The following OASL variants were observed in gnomAD, a reference collection of about 807,000 sequenced individuals.
OASL encodes 2'-5'-oligoadenylate synthase-like protein.
OASL carries 28 observed loss-of-function variants against 35.3 expected under a neutral mutation model. That is an observed-to-expected ratio of 0.79 (90% CI 0.59 to 1.09). OASL has a LOEUF of 1.09. Ranked by LOEUF, OASL falls within the 50% of genes least tolerant of loss-of-function variation. OASL has a pLI of 0.00. For missense variants in OASL, 620 were observed against 635.2 expected, an observed-to-expected ratio of 0.98 and a Z score of 0.26; for synonymous variants, 252 against 254.6, an observed-to-expected ratio of 0.99 and a Z score of 0.10.
chr12:121,024,110 G>A, exon 5 of OASL: 1 of 1,614,092 alleles, frequency 6.2e-7, no homozygotes, highest in Non-Finnish European at 8.5e-7. Flanking sequence ...CGTTGAGGGT[G>A]GGGTCGGCCG....
chr12:121,019,284 A>G (rs1043395980), exon 6 of OASL: 5 of 152,296 alleles, frequency 3.3e-5, no homozygotes, highest in Middle Eastern at 3.4e-3. Context: ...GGAGATACAC[A>G]GATTATGATT....
exon 6 of OASL, chr12:121,020,453 A>G: frequency 8.3e-7 from 1 of 1,201,060 alleles, no homozygotes; most frequent in Non-Finnish European, 1.2e-6. Context: ...CTCATTGTAA[A>G]ACTGGTGAAG....
chr12:121,020,489 G>T, exon 6 of OASL: 6 of 1,463,776 alleles, frequency 4.1e-6, no homozygotes, highest in South Asian at 1.3e-5. Context: ...AGTAGACAAT[G>T]GGACAGAGTG....
At chr12:121,030,405 T>C (rs574287506) in intron 3 of OASL, among the ~76,000 whole-genome samples, 30 of 152,206 alleles carry the variant, frequency 2.0e-4, no homozygotes, top group Non-Finnish European at 3.8e-4. Flanking sequence ...GGGGTTTCAC[T>C]GTGTTAGCCA....
chr12:121,028,087 G>A (rs753588515), intron 3 of OASL, among the ~76,000 whole-genome samples: 3 of 152,126 alleles, frequency 2.0e-5, no homozygotes, highest in Non-Finnish European at 4.4e-5. Flanking sequence ...GATTGCGCTC[G>A]GTCACAAACA....
intron 3 of OASL, among the ~76,000 whole-genome samples, chr12:121,030,350 G>A (rs2701188): frequency 0.99 from 150,010 of 151,928 alleles, 74,089 homozygotes; most frequent in Middle Eastern, 1. Flanking sequence ...GACTACAGGC[G>A]CCCGCCACCA....
At chr12:121,031,327 C>T (rs1869719211) in intron 3 of OASL, 115 bp downstream of exon 3, 6 of 996,894 alleles carry the variant, frequency 6.0e-6, no homozygotes, top group Non-Finnish European at 9.0e-6. Flanking sequence ...TTCTCTCCCT[C>T]TCTACCTGCT....
At chr12:121,020,217 T>TAAAA in exon 6 of OASL, 1 of 213,266 alleles carries the variant, frequency 4.7e-6, no homozygotes, top group Non-Finnish European at 9.5e-6. Flanking sequence ...CACTGCAGCT[T>TAAAA]CAGCCTCCTG....
At position 121,020,410 on chromosome 12, in the gene OASL, C is replaced by T. The variant is rs187784966; in HGVS notation, c.*151G>A. 678 of 817,938 alleles carry T rather than the reference C, an allele frequency of 8.3e-4. 1 individual carries two copies. In the African/African-American group the frequency reaches 9.2e-3, roughly 11 times the overall value. The allele number at this position is 817,938 out of a possible 1,614,324, so 50.7% of individuals were successfully genotyped here. A position where few individuals can be genotyped will look rare whatever the true frequency, so the allele number is the denominator to read the frequency against. Reference sequence around the variant, plus strand: ...TCGGCCTCCCAAAGTTCTGGGATTACAGGTGTGAGCTACCACGTCTGGCCT... The same window carrying T: ...TCGGCCTCCCAAAGTTCTGGGATTATAGGTGTGAGCTACCACGTCTGGCCT... On this transcript the variant is annotated 3_prime_UTR_variant, in exon 6 of 6. Transcript: ENST00000257570.
At position 121,024,224 on chromosome 12, in the gene OASL, C is replaced by T. The variant is rs931438519; in HGVS notation, c.900-87G>A. On this transcript the variant is annotated intron_variant, in intron 4 of 5. Coordinates refer to ENST00000257570, the Ensembl canonical transcript of OASL. ...AAACCTTCTCGGCAATTATTTCGTC[C>T]AGCCACTGAGAATTGTGATATCCAC... 34 of 1,447,218 alleles carry T rather than the reference C, an allele frequency of 2.3e-5. No individual in the cohort carries two copies. In the Admixed American group the frequency reaches 6.6e-4, roughly 28 times the overall value. The allele number at this position is 1,447,218 out of a possible 1,614,324, so 89.6% of individuals were successfully genotyped here. A position where few individuals can be genotyped will look rare whatever the true frequency, so the allele number is the denominator to read the frequency against.
exon 6 of OASL, chr12:121,020,636 C>T: frequency 6.2e-7 from 1 of 1,614,128 alleles, no homozygotes; most frequent in Non-Finnish European, 8.5e-7. Flanking sequence ...TGCCATAGAT[C>T]CCCAGACCCA....
Position 121,027,561 on chromosome 12 carries a change from A to G in OASL, c.899+15T>C, listed in dbSNP as rs1166554368. 4 of 1,612,160 alleles carry G rather than the reference A, an allele frequency of 2.5e-6. No individual in the cohort carries two copies. The highest frequency in any genetic ancestry group is 3.4e-6 in the Non-Finnish European group (4 of 1,178,582). ...TTTTTCTGTAAGATTTGGTGGGCAA[A>G]CAGTGGTCCAGTACCTCTCTTTTTT... On this transcript the variant is annotated intron_variant, in intron 4 of 5. Transcript: ENST00000257570.
exon 4 of OASL, chr12:121,027,784 G>A (rs552542299): frequency 6.2e-7 from 1 of 1,614,096 alleles, no homozygotes; most frequent in Admixed American, 1.7e-5. Flanking sequence ...TAGAGAGGGG[G>A]CAGATTGGCT....
At chr12:121,036,010 G>A (rs1330708241) in intron 1 of OASL, among the ~76,000 whole-genome samples, 2 of 152,018 alleles carry the variant, frequency 1.3e-5, no homozygotes, top group African/African-American at 2.4e-5. Flanking sequence ...GGCATGCACC[G>A]CCATGCCCAG....
At chr12:121,030,056 G>A (rs1471884038) in intron 3 of OASL, among the ~76,000 whole-genome samples, 1 of 152,090 alleles carries the variant, frequency 6.6e-6, no homozygotes, top group African/African-American at 2.4e-5. Context: ...TGTATTTTTT[G>A]TAGAGACGGG....
chr12:121,027,079 C>G (rs1317060286), intron 4 of OASL, among the ~76,000 whole-genome samples: 1 of 152,060 alleles, frequency 6.6e-6, no homozygotes, highest in African/African-American at 2.4e-5. Context: ...AGCACATGCT[C>G]CAATATAAGC....
At chr12:121,032,543 G>A (rs982683930) in intron 2 of OASL, among the ~76,000 whole-genome samples, 12 of 152,132 alleles carry the variant, frequency 7.9e-5, no homozygotes, top group Non-Finnish European at 7.3e-5. Flanking sequence ...TTGGGATCCC[G>A]AAGAGGTTCG....
exon 3 of OASL, chr12:121,031,518 A>G (rs763663002): frequency 6.2e-6 from 10 of 1,613,996 alleles, no homozygotes; most frequent in South Asian, 1.1e-5. Context: ...ATTTCTCTGC[A>G]GCTCGCTGAA....
chr12:121,031,841 CTGGA>C (rs1869747559), intron 2 of OASL, among the ~76,000 whole-genome samples: 1 of 152,150 alleles, frequency 6.6e-6, no homozygotes, highest in Non-Finnish European at 1.5e-5. Flanking sequence ...AGACCCCTCC[CTGGA>C]TGTCCTCAAT....
Sources: gnomAD v4.1 joint callset for allele counts (sites outside exome capture counted in the v4.1 genomes callset) on GRCh38, gnomAD v4.1.1 for gene constraint, MANE v1.5 for transcripts, NCBI Gene and HGNC (gene_info 2026-07-23, HGNC 2026-07-21) for gene names.